The following ZNF487 variants were observed in gnomAD, a reference collection of about 807,000 sequenced individuals.
ZNF487 encodes zinc finger protein 487.
A neutral mutation model predicts 3.0 loss-of-function variants in ZNF487; 4 were observed. That is an observed-to-expected ratio of 1.35 (90% confidence interval 0.66 to 3.08). The LOEUF is 3.08. ZNF487 is among the 30% of genes most tolerant of loss of function. The pLI is 0.01. For missense variants in ZNF487, 146 were observed against 98.7 expected (o/e 1.48, Z -2.03); for synonymous variants, 55 against 34.6 (o/e 1.59, Z -2.06).
intron 1 of ZNF487, among the ~76,000 whole-genome samples, chr10:43,473,045 CA>C (rs375326367): frequency 2.0e-3 from 158 of 78,574 alleles, no homozygotes; most frequent in Admixed American, 2.8e-3. Flanking sequence ...GACTCTGTCT[CA>C]AAAAAAAAAA....
chr10:43,519,509 C>T, the ZNF487 span, among the ~76,000 whole-genome samples: 84 of 151,240 alleles, frequency 5.6e-4, no homozygotes, highest in East Asian at 0.015. Flanking sequence ...GCTCTGTTGC[C>T]CAGGCCAGAT....
chr10:43,478,471 T>G (rs1841185297), intron 3 of ZNF487, among the ~76,000 whole-genome samples: 1 of 152,204 alleles, frequency 6.6e-6, no homozygotes, highest in Non-Finnish European at 1.5e-5. Flanking sequence ...GAGAATCACT[T>G]GAACCCAGGA....
chr10:43,481,101 A>C (rs1341644332), intron 3 of ZNF487, among the ~76,000 whole-genome samples: 2 of 152,120 alleles, frequency 1.3e-5, no homozygotes, highest in Non-Finnish European at 2.9e-5. Flanking sequence ...CTGCCACTGC[A>C]TTACAGCCTG....
At chr10:43,490,882 C>G in the ZNF487 span, among the ~76,000 whole-genome samples, 1 of 150,516 alleles carries the variant, frequency 6.6e-6, no homozygotes, top group African/African-American at 2.5e-5. Flanking sequence ...CCATGTTGGT[C>G]AGGCTGGTCT....
intron 1 of ZNF487, among the ~76,000 whole-genome samples, chr10:43,462,753 C>CTT (rs1269088085): frequency 6.8e-6 from 1 of 146,108 alleles, no homozygotes. Context: ...TGCATCCGGC[C>CTT]TTTTTTTTTT....
At chr10:43,498,678 C>T in the ZNF487 span, among the ~76,000 whole-genome samples, 1 of 151,844 alleles carries the variant, frequency 6.6e-6, no homozygotes, top group Admixed American at 6.6e-5. Context: ...CGCAGTGGCT[C>T]ACGCCTGTAA....
chr10:43,508,847 A>AAAAT, the ZNF487 span, among the ~76,000 whole-genome samples: 17 of 151,882 alleles, frequency 1.1e-4, no homozygotes, highest in Non-Finnish European at 1.9e-4. Flanking sequence ...ACTACACCTC[A>AAAAT]AAATAAATAA....
chr10:43,520,265 A>G, the ZNF487 span, among the ~76,000 whole-genome samples: 1 of 152,176 alleles, frequency 6.6e-6, no homozygotes, highest in South Asian at 2.1e-4. Context: ...TTTACTAGGT[A>G]AGATGCAGTA....
intron 1 of ZNF487, among the ~76,000 whole-genome samples, chr10:43,466,997 AG>A (rs200924068): frequency 0.028 from 4,252 of 151,248 alleles, 97 homozygotes; most frequent in South Asian, 0.042. Context: ...CCTCCTCAGT[AG>A]CTGAGATTAC....
chr10:43,472,849 A>G (rs1202877248), intron 1 of ZNF487, among the ~76,000 whole-genome samples: 1 of 152,046 alleles, frequency 6.6e-6, no homozygotes. Context: ...TTTATAATTT[A>G]TAAGCATTTA....
intron 1 of ZNF487, among the ~76,000 whole-genome samples, chr10:43,461,338 A>G (rs1840425475): frequency 7.2e-6 from 1 of 138,628 alleles, no homozygotes; most frequent in Non-Finnish European, 1.5e-5. Flanking sequence ...TTTTTTTGAG[A>G]CAAGGTCTTG....
chr10:43,505,967 A>G, the ZNF487 span, among the ~76,000 whole-genome samples: 86 of 152,358 alleles, frequency 5.6e-4, no homozygotes, highest in Non-Finnish European at 1.1e-3. Context: ...TAAACCACAT[A>G]GAAAAGAGGA....
intron 1 of ZNF487, among the ~76,000 whole-genome samples, chr10:43,443,209 C>T (rs532285748): frequency 5.3e-5 from 8 of 151,318 alleles, no homozygotes; most frequent in African/African-American, 1.7e-4. Context: ...ATTACAGGCA[C>T]CCGCCACCAC....
rs1410218049 is a variant in ZNF487 at position 43,480,027 on chromosome 10, CT to C, written c.131-1399del. ...TCTTTCTTTCTTTCTTTCTTTCTTT[CT>C]TTCTTTCTTTCTTTCTTTTTCTTTC... On this transcript the variant is annotated intron_variant, in intron 3 of 3. Transcript: ENST00000437590. Among the ~76,000 whole-genome samples the C allele has an allele frequency of 5.3e-5, 4 of 75,042 alleles. No homozygotes were observed. In the South Asian group the frequency reaches 1.3e-3, roughly 25 times the overall value. The allele number at this position is 75,042 out of a possible 152,430, so 49.2% of individuals were successfully genotyped here.
At chr10:43,473,481 A>G (rs1840979681) in intron 1 of ZNF487, among the ~76,000 whole-genome samples, 1 of 152,004 alleles carries the variant, frequency 6.6e-6, no homozygotes, top group African/African-American at 2.4e-5. Context: ...TAGCAAGATA[A>G]GCCCATTTAT....
At chr10:43,467,404 C>G (rs1385468954) in intron 1 of ZNF487, among the ~76,000 whole-genome samples, 2 of 151,534 alleles carry the variant, frequency 1.3e-5, no homozygotes, top group African/African-American at 4.8e-5. Flanking sequence ...AGGGTTTCAC[C>G]ATATTGGCCA....
intron 1 of ZNF487, chr10:43,454,446 T>C (rs529833086): frequency 6.6e-6 from 1 of 152,358 alleles, no homozygotes; most frequent in Non-Finnish European, 1.5e-5. Context: ...TCACAAAATT[T>C]AACTACATCA....
upstream of ZNF487, chr10:43,437,084 A>C (rs1839413015): frequency 5.9e-5 from 18 of 302,822 alleles, 1 homozygote; most frequent in South Asian, 4.2e-4. Context: ...GGATTCGCGC[A>C]GGCCCCGCCC....
chr10:43,522,934 G>A, the ZNF487 span, among the ~76,000 whole-genome samples: 4 of 151,984 alleles, frequency 2.6e-5, no homozygotes, highest in South Asian at 2.1e-4. Flanking sequence ...CAATGCTTTC[G>A]ATGATTCCCC....
Sources: allele counts gnomAD v4.1 joint callset (sites outside exome capture counted in the v4.1 genomes callset), GRCh38; gene constraint gnomAD v4.1.1; transcripts MANE v1.5; gene names NCBI Gene and HGNC (gene_info 2026-07-23, HGNC 2026-07-21).